C1orf146: variants seen among roughly 807,000 people sequenced by gnomAD.
C1orf146 encodes protein SPO16 homolog.
C1orf146 carries 22 observed loss-of-function variants against 23.0 expected under a neutral mutation model. The observed-to-expected ratio is 0.96, with a 90% CI of 0.68 to 1.36. The LOEUF (loss-of-function observed/expected upper bound fraction) is 1.36. Among genes scored for constraint, C1orf146 ranks in the 40% most tolerant of loss-of-function variants. The pLI, the probability that C1orf146 is intolerant of heterozygous loss-of-function variation, is 0.00. For missense variants in C1orf146, 199 were observed against 206.8 expected, an observed-to-expected ratio of 0.96 and a Z score of 0.23; for synonymous variants, 59 against 65.3, an observed-to-expected ratio of 0.90 and a Z score of 0.47.
rs1225594914 is a variant in C1orf146 at position 92,231,440 on chromosome 1, A to C, written c.20A>C (p.Glu7Ala). 6.2e-7 allele frequency: 1 copy of C among 1,611,476 alleles called. No individual in the cohort carries two copies. Among genetic ancestry groups the C allele is most frequent in the African/African-American group, 1.3e-5 (1 of 74,774 alleles). The change falls in exon 2 of 6, where the codon GAA becomes GCA. Residue 7 changes from glutamate (E) to alanine (A), a missense_variant. Transcript: ENST00000370375. MAESGK[E>A]KIKWTTTIII... Reference sequence around the variant, plus strand: ...AGACAGATGGCTGAAAGTGGAAAAGAAAAAATAAAATGGACAACCACCATT... The same window carrying C: ...AGACAGATGGCTGAAAGTGGAAAAGCAAAAATAAAATGGACAACCACCATT...
intron 2 of C1orf146, among the ~76,000 whole-genome samples, 197 bp downstream of exon 2, chr1:92,231,683 T>C (rs1436743494): frequency 1.3e-5 from 2 of 152,178 alleles, no homozygotes; most frequent in Non-Finnish European, 2.9e-5. Flanking sequence ...ACTTCCTTAA[T>C]TCTTTGAAGG....
At chr1:92,227,456 G>C (rs970622914) in intron 1 of C1orf146, among the ~76,000 whole-genome samples, 1 of 152,022 alleles carries the variant, frequency 6.6e-6, no homozygotes, top group Non-Finnish European at 1.5e-5. Flanking sequence ...GGAGAATGGC[G>C]TGAACCCGGG....
At chr1:92,231,820 C>G (rs1048000483) in intron 2 of C1orf146, among the ~76,000 whole-genome samples, 1 of 151,672 alleles carries the variant, frequency 6.6e-6, no homozygotes, top group African/African-American at 2.4e-5. Flanking sequence ...AGCTAAAGAA[C>G]CAGAAACTGA....
chr1:92,239,525 T>C (rs1404046834), intron 2 of C1orf146, among the ~76,000 whole-genome samples: 1 of 151,840 alleles, frequency 6.6e-6, no homozygotes, highest in African/African-American at 2.4e-5. Flanking sequence ...CCAAGGTGGG[T>C]GGATCACTTG....
At chr1:92,238,772 C>T (rs1388685564) in intron 2 of C1orf146, among the ~76,000 whole-genome samples, 1 of 152,166 alleles carries the variant, frequency 6.6e-6, no homozygotes, top group Non-Finnish European at 1.5e-5. Flanking sequence ...ATACCTTACA[C>T]ACTCACCATA....
chr1:92,228,512 G>A (rs1652025009), intron 1 of C1orf146, among the ~76,000 whole-genome samples: 1 of 152,118 alleles, frequency 6.6e-6, no homozygotes, highest in Non-Finnish European at 1.5e-5. Context: ...ATTTACTTTT[G>A]CTTCTGGCAG....
At chr1:92,218,685 C>G (rs1426883130) in intron 1 of C1orf146, among the ~76,000 whole-genome samples, 1 of 152,108 alleles carries the variant, frequency 6.6e-6, no homozygotes, top group African/African-American at 2.4e-5. Context: ...GTGACTGTCC[C>G]TCCTCCACCT....
intron 1 of C1orf146, among the ~76,000 whole-genome samples, chr1:92,227,777 T>G (rs1445101453): frequency 6.6e-6 from 1 of 152,210 alleles, no homozygotes; most frequent in African/African-American, 2.4e-5. Context: ...GAAGTCAGTT[T>G]TCAGTTTATT....
intron 1 of C1orf146, among the ~76,000 whole-genome samples, chr1:92,227,455 C>T (rs1475520236): frequency 1.3e-5 from 2 of 152,218 alleles, no homozygotes; most frequent in Admixed American, 1.3e-4. Context: ...AGGAGAATGG[C>T]GTGAACCCGG....
In C1orf146 at chr1:92,217,941, C is replaced by G. The variant is rs1175066651; in HGVS notation, c.-147C>G. On this transcript the variant is annotated 5_prime_UTR_variant, in exon 1 of 6. Coordinates refer to ENST00000370375, the MANE Select transcript of C1orf146 (RefSeq NM_001012425.2). ...GAAGCCCAGCGACTGCAGAACCCTG[C>G]CCCAGGCACCCTGGGCGCTCTGCCC... 6.6e-6 allele frequency: 1 copy of G among 152,272 alleles called. No homozygotes were observed. Among genetic ancestry groups the G allele is most frequent in the African/African-American group, 2.4e-5 (1 of 41,466 alleles). 9.4% of individuals were successfully genotyped at this position (152,272 alleles called of 1,614,324 possible).
At chr1:92,225,191 A>G (rs560533145) in intron 1 of C1orf146, among the ~76,000 whole-genome samples, 2 of 141,272 alleles carry the variant, frequency 1.4e-5, no homozygotes, top group East Asian at 4.2e-4. Context: ...AGTCATCTCA[A>G]CCTCCCCAGG....
chr1:92,228,525 A>T (rs1238378724), intron 1 of C1orf146, among the ~76,000 whole-genome samples: 2 of 152,104 alleles, frequency 1.3e-5, no homozygotes, highest in East Asian at 3.9e-4. Flanking sequence ...TCTGGCAGAG[A>T]GTTTTTCTAG....
At position 92,242,391 on chromosome 1, in the gene C1orf146, A is replaced by G. The variant is rs1454541941; in HGVS notation, c.160+86A>G. The G allele has an allele frequency of 1.2e-5, 8 of 683,174 alleles. No homozygotes were observed. The South Asian group carries it at 1.4e-4, about 12-fold the overall frequency. 42.3% of individuals were successfully genotyped at this position (683,174 alleles called of 1,614,324 possible). A position where few individuals can be genotyped will look rare whatever the true frequency, so the allele number is the denominator to read the frequency against. On this transcript the variant is annotated intron_variant, in intron 3 of 5. Transcript: ENST00000370375. ...TGACTTCATAGTTCAGTAACCATGTAATGTATTATCTTTTGGGAAGGGTAA... is the reference window on the plus strand; with the variant it reads ...TGACTTCATAGTTCAGTAACCATGTGATGTATTATCTTTTGGGAAGGGTAA...
At position 92,244,827 on chromosome 1, in the gene C1orf146, T is replaced by C; in HGVS notation, c.378T>C (p.Asn126=). ...TACTTCCAGTACACAACACAGTAAA[T>C]GCTATTAATCTTATGTGCACTATAG... ...LRILPVHNTV[N]AINLMCTIAK... Residue 126 remains asparagine (N), a synonymous_variant, in exon 5 of 6, where the codon AAT becomes AAC. Coordinates refer to ENST00000370375, the MANE Select transcript of C1orf146 (RefSeq NM_001012425.2). 1 of 1,608,886 alleles carries C rather than the reference T, an allele frequency of 6.2e-7. No homozygotes were observed.
chr1:92,242,204 T>TA lies in C1orf146; in HGVS notation c.67-2dup. 2.0e-6 allele frequency: 3 copies of TA among 1,525,252 alleles called. No individual in the cohort carries two copies. The highest frequency in any genetic ancestry group is 2.7e-6 in the Non-Finnish European group (3 of 1,117,150). The allele number at this position is 1,525,252 out of a possible 1,614,324, so 94.5% of individuals were successfully genotyped here. Reference sequence around the variant, plus strand: ...TTAAATTTGTATTTCTGATATTTTTTAAAAAAGAGTTATGAAGTTGCAACT... The same window carrying TA: ...TTAAATTTGTATTTCTGATATTTTTTAAAAAAAGAGTTATGAAGTTGCAACT... On this transcript the variant is annotated splice_region_variant and splice_polypyrimidine_tract_variant and intron_variant, in intron 2 of 5. Transcript: ENST00000370375.
chr1:92,244,218 A>G lies in C1orf146; in HGVS notation c.162A>G (p.Gly54=), dbSNP rs369209440. 57 of 1,577,544 alleles carry G rather than the reference A, an allele frequency of 3.6e-5. No individual in the cohort carries two copies. Among genetic ancestry groups the G allele is most frequent in the Non-Finnish European group, 4.3e-5 (50 of 1,157,882 alleles). The change falls in exon 4 of 6, where the codon GGA becomes GGG. Residue 54 remains glycine, a splice_region_variant and synonymous_variant. Transcript: ENST00000370375. The stretch of plus-strand genomic sequence containing the variant: ...TTATATTCAATTCACCTTTCCTAGG[A>G]GTTGCATTTTTATTAATGGATACTA... ...ENGSIIFSLS[G]VAFLLMDTKE... is the part of the protein sequence containing the mutation.
intron 2 of C1orf146, among the ~76,000 whole-genome samples, chr1:92,233,150 TTGC>T (rs1381325384): frequency 1.3e-5 from 2 of 152,236 alleles, no homozygotes; most frequent in African/African-American, 4.8e-5. Context: ...TTTGTTGCCA[TTGC>T]TTTTGGTATT....
intron 2 of C1orf146, among the ~76,000 whole-genome samples, chr1:92,239,005 GC>G (rs1329471739): frequency 1.3e-5 from 2 of 152,132 alleles, no homozygotes; most frequent in Non-Finnish European, 2.9e-5. Context: ...GCAATCCATT[GC>G]CTTGGCCTCC....
chr1:92,231,305 C>G, intron 1 of C1orf146, 77 bp from the exon 2 acceptor site: 1 of 657,170 alleles, frequency 1.5e-6, no homozygotes, highest in Non-Finnish European at 2.6e-6. Flanking sequence ...TCTCCAATAC[C>G]CTAGTTTTAT....
Sources: gnomAD v4.1 joint callset for allele counts (sites outside exome capture counted in the v4.1 genomes callset) on GRCh38, gnomAD v4.1.1 for gene constraint, MANE v1.5 for transcripts, NCBI Gene and HGNC (gene_info 2026-07-23, HGNC 2026-07-21) for gene names.